Variants in GRAMD4 observed in about 807,000 individuals in gnomAD.
GRAMD4 encodes GRAM domain-containing protein 4.
Under a neutral mutation model 83.9 loss-of-function variants are expected in GRAMD4, and 25 were observed. That is an observed-to-expected ratio of 0.30 (90% CI 0.22 to 0.42). The LOEUF (loss-of-function observed/expected upper bound fraction) is 0.42. Among genes scored for constraint, GRAMD4 ranks in the 10% least tolerant of loss-of-function variants. GRAMD4 has a pLI of 1.00. For missense variants in GRAMD4, 593 were observed against 788.7 expected (o/e 0.75, Z 2.97); for synonymous variants, 336 against 320.9 (o/e 1.05, Z -0.50).
At chr22:46,670,556 C>T (rs900897074) in intron 13 of GRAMD4, among the ~76,000 whole-genome samples, 8 of 152,122 alleles carry the variant, frequency 5.3e-5, no homozygotes, top group East Asian at 1.9e-4. Context: ...CCGCCCTCCA[C>T]GGGGAGCCTG....
At chr22:46,599,398 A>C (rs1287596884) in intron 1 of GRAMD4, among the ~76,000 whole-genome samples, 6 of 151,806 alleles carry the variant, frequency 4.0e-5, no homozygotes, top group Non-Finnish European at 8.8e-5. Context: ...GGCTCACTGC[A>C]ACCTCTACCT....
chr22:46,665,201 C>G (rs1023758234), intron 8 of GRAMD4, among the ~76,000 whole-genome samples: 6 of 152,246 alleles, frequency 3.9e-5, no homozygotes, highest in African/African-American at 1.2e-4. Context: ...GGGCTCTGTG[C>G]TGGGCACAGA....
In GRAMD4 at chr22:46,635,310, C is replaced by T. The variant is rs1427838888; in HGVS notation, c.163-2530C>T. ...GCCCCCGCCCCCGGCCACTCCTGTC[C>T]TGGGGGACCGTGTCCTCCCTGCCCC... On this transcript the variant is annotated intron_variant, in intron 2 of 18. Coordinates refer to ENST00000406902, the MANE Select transcript of GRAMD4 (RefSeq NM_015124.5). Among the ~76,000 whole-genome samples, 5 of 70,296 alleles carry T rather than the reference C, an allele frequency of 7.1e-5. 1 individual carries two copies. Among genetic ancestry groups the T allele is most frequent in the East Asian group, 1.9e-3 (2 of 1,028 alleles). 46.1% of individuals were successfully genotyped at this position (70,296 alleles called of 152,430 possible).
chr22:46,637,327 A>G (rs2081905747), intron 2 of GRAMD4, among the ~76,000 whole-genome samples: 1 of 149,184 alleles, frequency 6.7e-6, no homozygotes, highest in Non-Finnish European at 1.5e-5. Context: ...ATCTTGGCTC[A>G]CTGCAAGCTC....
intron 3 of GRAMD4, among the ~76,000 whole-genome samples, chr22:46,638,482 G>A (rs2081924958): frequency 6.6e-6 from 1 of 152,228 alleles, no homozygotes; most frequent in Non-Finnish European, 1.5e-5. Context: ...TTCGGACTCT[G>A]CAGCAGTGAG....
chr22:46,648,839 G>C (rs796483298), intron 3 of GRAMD4, among the ~76,000 whole-genome samples: 7 of 117,098 alleles, frequency 6.0e-5, no homozygotes, highest in Admixed American at 1.6e-4. Context: ...TGGATGGATG[G>C]ATGGATGCAT....
chr22:46,661,894 C>T (rs562999786), intron 5 of GRAMD4, among the ~76,000 whole-genome samples: 19 of 152,298 alleles, frequency 1.2e-4, no homozygotes, highest in Admixed American at 6.5e-4. Context: ...TCTCTCTCCT[C>T]GTCCTCCATC....
At chr22:46,617,645 A>T (rs138494), upstream of GRAMD4, among the ~76,000 whole-genome samples, 1 of 151,776 alleles carries the variant, frequency 6.6e-6, no homozygotes, top group African/African-American at 2.4e-5. Context: ...TCACGTAGGC[A>T]TCTCCTGGCC....
intron 3 of GRAMD4, among the ~76,000 whole-genome samples, chr22:46,654,143 ATCGGG>A: frequency 1.4e-5 from 2 of 139,780 alleles, no homozygotes; most frequent in African/African-American, 5.3e-5. Context: ...GAGGCTGAGA[ATCGGG>A]TCTGTTGGAG....
Position 46,677,653 on chromosome 22 carries a change from C to G in GRAMD4, c.*402C>G, listed in dbSNP as rs959080595. ...TCCCGCTCTCCAGAGGCCAGAAGCT[C>G]GTCCACCACCAAAGCCATAGCTGAA... On this transcript the variant is annotated 3_prime_UTR_variant, in exon 19 of 19. Transcript: ENST00000406902. The G allele has an allele frequency of 1.1e-5, 11 of 996,864 alleles. No homozygotes were observed. Among genetic ancestry groups the G allele is most frequent in the Admixed American group, 1.2e-4 (2 of 17,222 alleles). 61.8% of individuals were successfully genotyped at this position (996,864 alleles called of 1,614,324 possible). A position where few individuals can be genotyped will look rare whatever the true frequency, so the allele number is the denominator to read the frequency against.
At chr22:46,643,172 C>T (rs2082010033) in intron 3 of GRAMD4, among the ~76,000 whole-genome samples, 7 of 149,322 alleles carry the variant, frequency 4.7e-5, no homozygotes, top group Non-Finnish European at 5.9e-5. Flanking sequence ...TCCATCCATC[C>T]ATCCATCCAT....
At position 46,622,911 on chromosome 22, in the gene GRAMD4, CTA is replaced by C. The variant is rs1491112868; in HGVS notation, c.-50+2347_-50+2348del. The stretch of plus-strand genomic sequence containing the variant: ...TGGGCGACAGAGCAAGACTCCATCT[CTA>C]AAAAAAAAAAAAAAAAAACTGATGA... On this transcript the variant is annotated intron_variant, in intron 1 of 18. Coordinates refer to ENST00000406902, the MANE Select transcript of GRAMD4 (RefSeq NM_015124.5). This position sits in a 1 kb window ranked among gnomAD's most constrained non-coding sequence, Gnocchi z 4.0. Among the ~76,000 whole-genome samples the C allele has an allele frequency of 8.7e-6, 1 of 114,558 alleles. No homozygotes were observed. The highest frequency in any genetic ancestry group is 1.8e-5 in the Non-Finnish European group (1 of 56,000). 75.2% of individuals were successfully genotyped at this position (114,558 alleles called of 152,430 possible). A position where few individuals can be genotyped will look rare whatever the true frequency, so the allele number is the denominator to read the frequency against.
chr22:46,676,805 C>A, intron 18 of GRAMD4, 137 bp downstream of exon 18: 1 of 794,406 alleles, frequency 1.3e-6, no homozygotes, highest in Non-Finnish European at 2.1e-6. Flanking sequence ...CCCCCTCCCT[C>A]GCAGCAGCTA....
At chr22:46,603,930 T>C (rs1029566870) in intron 1 of GRAMD4, among the ~76,000 whole-genome samples, 4 of 152,212 alleles carry the variant, frequency 2.6e-5, no homozygotes, top group African/African-American at 9.6e-5. Context: ...TTCCTTGTTC[T>C]GCATTCAAAC....
At position 46,622,931 on chromosome 22, in the gene GRAMD4, A is replaced by C. The variant is rs1383001906; in HGVS notation, c.-50+2366A>C. Among the ~76,000 whole-genome samples, 2 of 149,006 alleles carry C rather than the reference A, an allele frequency of 1.3e-5. No homozygotes were observed. Among genetic ancestry groups the C allele is most frequent in the Admixed American group, 1.3e-4 (2 of 14,820 alleles). Reference sequence around the variant, plus strand: ...CATCTCTAAAAAAAAAAAAAAAAAAACTGATGAAATTGGTAATATTTATAT... The same window carrying C: ...CATCTCTAAAAAAAAAAAAAAAAAACCTGATGAAATTGGTAATATTTATAT... On this transcript the variant is annotated intron_variant, in intron 1 of 18. Transcript: ENST00000406902. The surrounding 1 kb of genome is among the most constrained non-coding windows in gnomAD (Gnocchi z 4.0).
At chr22:46,623,979 G>C (rs2081616519) in intron 1 of GRAMD4, among the ~76,000 whole-genome samples, 1 of 151,650 alleles carries the variant, frequency 6.6e-6, no homozygotes, top group Non-Finnish European at 1.5e-5. Flanking sequence ...ATGGAGGTTC[G>C]CCATGTTGAC....
At position 46,678,360 on chromosome 22, in the gene GRAMD4, C is replaced by T. The variant is rs550560834; in HGVS notation, c.*1109C>T. 7.9e-5 allele frequency: 78 copies of T among 985,422 alleles called. No individual in the cohort carries two copies. In the African/African-American group the frequency reaches 8.5e-4, roughly 11 times the overall value. 61.0% of individuals were successfully genotyped at this position (985,422 alleles called of 1,614,324 possible). ...CGACATGCGACAGCGTTCCCTCCCC[C>T]GCGTGCCTAGCCGGTGCCGGTCCGG... On this transcript the variant is annotated 3_prime_UTR_variant, in exon 19 of 19. Coordinates refer to ENST00000406902, the MANE Select transcript of GRAMD4 (RefSeq NM_015124.5).
rs1312161047 is a variant in GRAMD4 at position 46,659,738 on chromosome 22, A to G, written c.404+1431A>G. On this transcript the variant is annotated intron_variant, in intron 4 of 18. Coordinates refer to ENST00000406902, the MANE Select transcript of GRAMD4 (RefSeq NM_015124.5). The surrounding 1 kb of genome is among the most constrained non-coding windows in gnomAD (Gnocchi z 4.1). ...CTCATGTGGGGGCTCATGTGGGGGC[A>G]TCCAGCTGGTGTGGGGGAGGGAGAG... is the stretch of plus-strand genomic sequence containing the variant. 6.6e-6 allele frequency among the ~76,000 whole-genome samples: 1 copy of G among 150,428 alleles called. No individual in the cohort carries two copies. Among genetic ancestry groups the G allele is most frequent in the Non-Finnish European group, 1.5e-5 (1 of 67,634 alleles).
At chr22:46,632,417 A>T (rs138476) in intron 2 of GRAMD4, among the ~76,000 whole-genome samples, 34,337 of 152,148 alleles carry the variant, frequency 0.23, 4,771 homozygotes, top group East Asian at 0.55. Flanking sequence ...AAAGTTGGAG[A>T]AAATAGTTCT....
Sources: gnomAD v4.1 joint callset for allele counts (sites outside exome capture counted in the v4.1 genomes callset) on GRCh38, gnomAD v4.1.1 for gene constraint, Gnocchi (gnomAD v3.1) non-coding constraint, MANE v1.5 for transcripts, NCBI Gene and HGNC (gene_info 2026-07-23, HGNC 2026-07-21) for gene names.